Variants in PCM1 observed in about 807,000 individuals in gnomAD.
PCM1 encodes the protein pericentriolar material 1 protein.
PCM1 carries 157 observed loss-of-function variants against 241.9 expected under a neutral mutation model. The observed-to-expected ratio is 0.65, with a 90% CI of 0.57 to 0.74. The LOEUF (loss-of-function observed/expected upper bound fraction) is 0.74. PCM1 is among the 30% of genes least tolerant of loss of function. The pLI is 0.00. For synonymous variants in PCM1, 1,085 were observed against 784.9 expected (o/e 1.38, Z -6.39); for missense variants, 3,478 against 2,360.1 (o/e 1.47, Z -9.81).
chr8:17,979,843 G>T (rs1323467025), intron 23 of PCM1, among the ~76,000 whole-genome samples: 2 of 152,032 alleles, frequency 1.3e-5, no homozygotes, highest in South Asian at 2.1e-4. Flanking sequence ...GAATAGTCAA[G>T]AAAAAAGTGA....
At chr8:17,966,287 C>T (rs1326456033) in intron 19 of PCM1, 41 bp from the exon 20 acceptor site, 3 of 1,608,714 alleles carry the variant, frequency 1.9e-6, no homozygotes, top group Non-Finnish European at 2.6e-6. Flanking sequence ...AAATTTTTCT[C>T]AAGTCATCAG....
chr8:18,014,727 G>T lies in PCM1; in HGVS notation c.5728G>T (p.Glu1910Ter), dbSNP rs749648621. 1 of 1,613,658 alleles carries T rather than the reference G, an allele frequency of 6.2e-7. No homozygotes were observed. Among genetic ancestry groups the T allele is most frequent in the South Asian group, 1.1e-5 (1 of 91,066 alleles). Reference protein sequence around the residue: ...QPNPLPLRLPEMEPLVPRVKE... With the variant: ...QPNPLPLRLP ...TAACCCTTTGCCGTTACGTTTACCT[G>T]AAATGGAACCCTTAGTGCCTAGAGT... Residue 1910 changes from glutamate to a stop codon, truncating the protein, a stop_gained, in exon 36 of 39, where the codon GAA becomes TAA. Transcript: ENST00000325083. LOFTEE classifies it high-confidence loss of function.
rs2072561488 is a variant in PCM1 at position 17,962,118 on chromosome 8, AC to A, written c.2409del (p.Ser804ValfsTer14). On this transcript the variant is annotated frameshift_variant, in exon 16 of 39. Transcript: ENST00000325083. LOFTEE classifies it high-confidence loss of function. ...TSTPTVNQHE[T>X]STSKSVFEPE... ...AACCCCAACTGTTAATCAACACGAGACCAGTACAAGCAAATCTGTTTTTGAG... is the reference window on the plus strand; with the variant it reads ...AACCCCAACTGTTAATCAACACGAGACAGTACAAGCAAATCTGTTTTTGAG... The A allele has an allele frequency of 6.2e-7, 1 of 1,610,688 alleles. No homozygotes were observed. The highest frequency in any genetic ancestry group is 1.3e-5 in the African/African-American group (1 of 74,908).
chr8:18,015,251 T>TAA (rs34076308), intron 36 of PCM1, among the ~76,000 whole-genome samples: 2,941 of 145,140 alleles, frequency 0.02, 50 homozygotes, highest in African/African-American at 0.029. Context: ...CAGTGAATGA[T>TAA]AAAAAAAAAA....
In PCM1 at chr8:17,980,730, T is replaced by C; in HGVS notation, c.4083T>C (p.Cys1361=). Residue 1361 remains cysteine, a synonymous_variant, in exon 24 of 39, where the codon TGT becomes TGC. Coordinates refer to ENST00000325083, the MANE Select transcript of PCM1 (RefSeq NM_006197.4). The part of the protein sequence containing the change: ...NHEQLEKIIK[C]NRSTEISSET... ...AGCAACTGGAAAAAATAATAAAATG[T>C]AATAGGTCTACAGAAATATCTTCAG... 1 of 1,610,618 alleles carries C rather than the reference T, an allele frequency of 6.2e-7. No individual in the cohort carries two copies. The highest frequency in any genetic ancestry group is 8.5e-7 in the Non-Finnish European group (1 of 1,178,872).
intron 4 of PCM1, among the ~76,000 whole-genome samples, chr8:17,938,221 A>G (rs549348300): frequency 1.9e-4 from 29 of 152,236 alleles, no homozygotes; most frequent in Admixed American, 8.5e-4. Context: ...AAAATTTAAC[A>G]CCTGACCTTG....
rs776967602 is a variant in PCM1, at chr8:17,947,198, C to T, written c.796C>T (p.Gln266Ter). ...FLKKILARDP[Q>*]QEPMEEIENL... ...TCTTATTTTCCAGGCCAGAGATCCT[C>T]AGCAGGAGCCTATGGAAGAGATAGA... Residue 266 changes from glutamine to a stop codon, truncating the protein, a stop_gained, in exon 7 of 39, where the codon CAG becomes TAG. Transcript: ENST00000325083. LOFTEE classifies it high-confidence loss of function. 6.2e-7 allele frequency: 1 copy of T among 1,600,374 alleles called. No homozygotes were observed. The highest frequency in any genetic ancestry group is 8.5e-7 in the Non-Finnish European group (1 of 1,171,656).
At chr8:17,993,901 T>C (rs959874699) in intron 29 of PCM1, among the ~76,000 whole-genome samples, 4 of 152,192 alleles carry the variant, frequency 2.6e-5, no homozygotes, top group African/African-American at 7.2e-5. Context: ...TTTTTAGTTT[T>C]AGTTTTTGTG....
intron 34 of PCM1, among the ~76,000 whole-genome samples, chr8:18,013,133 C>T (rs1472723851): frequency 6.6e-6 from 1 of 152,120 alleles, no homozygotes. Context: ...TTAGATTCTT[C>T]AAATTAGGGT....
At chr8:17,973,779 T>C (rs112413703) in intron 23 of PCM1, among the ~76,000 whole-genome samples, 7 of 151,996 alleles carry the variant, frequency 4.6e-5, no homozygotes, top group Non-Finnish European at 1.0e-4. Flanking sequence ...TCAGGAAAGT[T>C]TGAAATGCAT....
In PCM1 at chr8:18,006,686, G is replaced by A. The variant is rs114937039; in HGVS notation, c.4962+289G>A. Among the ~76,000 whole-genome samples the A allele has an allele frequency of 3.0e-3, 455 of 152,252 alleles. 2 individuals are homozygous for A. The highest frequency in any genetic ancestry group is 0.01 in the Middle Eastern group (3 of 294). On this transcript the variant is annotated intron_variant, in intron 30 of 38. Coordinates refer to ENST00000325083, the MANE Select transcript of PCM1 (RefSeq NM_006197.4). ...TTCTCACTGAAAACATTTTGAGTTTGAAATGTTTACAAAGTATTCTGTGGC... is the reference window on the plus strand; with the variant it reads ...TTCTCACTGAAAACATTTTGAGTTTAAAATGTTTACAAAGTATTCTGTGGC...
At chr8:17,979,590 G>A (rs1412347143) in intron 23 of PCM1, among the ~76,000 whole-genome samples, 2 of 152,132 alleles carry the variant, frequency 1.3e-5, no homozygotes, top group Non-Finnish European at 2.9e-5. Context: ...ATTTAACAAG[G>A]AAAGTACTAG....
At chr8:17,926,338 A>C (rs1465259942) in intron 2 of PCM1, 1 of 152,216 alleles carries the variant, frequency 6.6e-6, no homozygotes, top group Non-Finnish European at 1.5e-5. Context: ...TGAGATTCAC[A>C]GTACAGAACT....
At chr8:17,967,680 T>C (rs1317019739) in intron 21 of PCM1, among the ~76,000 whole-genome samples, 1 of 152,212 alleles carries the variant, frequency 6.6e-6, no homozygotes, top group East Asian at 1.9e-4. Flanking sequence ...TTAGGAATGA[T>C]TGCTTCAACT....
intron 7 of PCM1, 114 bp downstream of exon 7, chr8:17,947,477 A>G: frequency 1.3e-6 from 1 of 782,394 alleles, no homozygotes; most frequent in South Asian, 2.3e-5. Flanking sequence ...TAGTTTAGAA[A>G]CCTTCATATG....
chr8:17,940,691 T>C (rs1051835836), intron 6 of PCM1, among the ~76,000 whole-genome samples: 5 of 152,318 alleles, frequency 3.3e-5, no homozygotes, highest in Middle Eastern at 6.8e-3. Flanking sequence ...TTGTGACTTA[T>C]TCACAATGAG....
intron 12 of PCM1, 44 bp downstream of exon 12, chr8:17,957,465 T>C: frequency 6.2e-7 from 1 of 1,608,316 alleles, no homozygotes. Context: ...GTGTTATTCT[T>C]ACAAAGTGGG....
intron 23 of PCM1, among the ~76,000 whole-genome samples, chr8:17,975,563 G>C (rs2078469519): frequency 6.6e-6 from 1 of 152,026 alleles, no homozygotes; most frequent in African/African-American, 2.4e-5. Flanking sequence ...GTATAGAGTG[G>C]GGAACAAGCA....
chr8:18,003,161 A>G (rs1013536252), intron 29 of PCM1, among the ~76,000 whole-genome samples: 1 of 152,222 alleles, frequency 6.6e-6, no homozygotes, highest in Non-Finnish European at 1.5e-5. Context: ...TACAAGATCC[A>G]TGACATCTGA....
Sources: allele counts gnomAD v4.1 joint callset (sites outside exome capture counted in the v4.1 genomes callset), GRCh38; gene constraint gnomAD v4.1.1; transcripts MANE v1.5; gene names NCBI Gene and HGNC (gene_info 2026-07-23, HGNC 2026-07-21).